The following SEZ6L variants were observed in gnomAD, a reference collection of about 807,000 sequenced individuals.
The protein encoded by SEZ6L is seizure related 6 homolog like.
A neutral mutation model predicts 106.2 loss-of-function variants in SEZ6L; 37 were observed. The ratio of observed to expected loss-of-function variants is 0.35; its 90% CI spans 0.27 to 0.46. The LOEUF is 0.46. Among genes scored for constraint, SEZ6L ranks in the 20% least tolerant of loss-of-function variants. SEZ6L has a pLI of 1.00. For synonymous variants in SEZ6L, 541 were observed against 570.4 expected, an observed-to-expected ratio of 0.95 and a Z score of 0.73; for missense variants, 1,172 against 1,332.8, an observed-to-expected ratio of 0.88 and a Z score of 1.88.
At chr22:26,227,085 G>T (rs1016675274) in intron 1 of SEZ6L, among the ~76,000 whole-genome samples, 1 of 152,148 alleles carries the variant, frequency 6.6e-6, no homozygotes, top group Non-Finnish European at 1.5e-5. Flanking sequence ...CATGTGCACC[G>T]TGTCTATTTT....
At chr22:26,370,104 C>CT in intron 13 of SEZ6L, among the ~76,000 whole-genome samples, 1 of 152,070 alleles carries the variant, frequency 6.6e-6, no homozygotes, top group African/African-American at 2.4e-5. Flanking sequence ...GAAACCTTGG[C>CT]CGGCGCGGTG....
chr22:26,218,179 C>T (rs2078351644), intron 1 of SEZ6L, among the ~76,000 whole-genome samples: 1 of 152,150 alleles, frequency 6.6e-6, no homozygotes, highest in Admixed American at 6.5e-5. Flanking sequence ...TTATAAATAC[C>T]CATTCATTAT....
chr22:26,332,550 G>A (rs2082519432), intron 9 of SEZ6L, among the ~76,000 whole-genome samples: 1 of 151,400 alleles, frequency 6.6e-6, no homozygotes, highest in African/African-American at 2.4e-5. Flanking sequence ...GTGCTCAAGT[G>A]ATCTTCCCAC....
intron 13 of SEZ6L, among the ~76,000 whole-genome samples, chr22:26,370,947 T>C (rs2146074358): frequency 7.2e-6 from 1 of 138,690 alleles, no homozygotes; most frequent in African/African-American, 2.8e-5. Context: ...GAGGCTGCAG[T>C]GAGCCATGAT....
In SEZ6L at chr22:26,340,647, T is replaced by C; in HGVS notation, c.2212+15T>C. The C allele has an allele frequency of 6.3e-7, 1 of 1,593,610 alleles. No homozygotes were observed. ...GAACTACATAGGTAGGTGTCTCATC[T>C]GGTCAATTTATTTTTTCTTTGTGTT... On this transcript the variant is annotated intron_variant, in intron 10 of 16. Transcript: ENST00000248933.
chr22:26,213,949 T>C (rs2078230481), intron 1 of SEZ6L, among the ~76,000 whole-genome samples: 1 of 152,184 alleles, frequency 6.6e-6, no homozygotes, highest in Non-Finnish European at 1.5e-5. Context: ...AAGAAAGATC[T>C]TGAGCAAGGA....
chr22:26,373,431 C>T lies in SEZ6L; in HGVS notation c.2795-20C>T. Reference sequence around the variant, plus strand: ...TGAATTCACTTTACATTGACCAATGCTTCCTGATTTCTCTTTCAGTTAATC... The same window carrying T: ...TGAATTCACTTTACATTGACCAATGTTTCCTGATTTCTCTTTCAGTTAATC... On this transcript the variant is annotated intron_variant, in intron 13 of 16. Transcript: ENST00000248933. 6.2e-7 allele frequency: 1 copy of T among 1,600,130 alleles called. No individual in the cohort carries two copies. The highest frequency in any genetic ancestry group is 1.1e-5 in the South Asian group (1 of 87,516).
intron 1 of SEZ6L, among the ~76,000 whole-genome samples, chr22:26,202,930 T>A (rs1941062105): frequency 6.6e-6 from 1 of 152,250 alleles, no homozygotes; most frequent in South Asian, 2.1e-4. Context: ...GAGAGCACTA[T>A]TTAGTTTTCA....
At chr22:26,269,195 A>C (rs2080282927) in intron 1 of SEZ6L, among the ~76,000 whole-genome samples, 1 of 152,160 alleles carries the variant, frequency 6.6e-6, no homozygotes, top group Non-Finnish European at 1.5e-5. Context: ...CTTAAATGTT[A>C]ATAGGCTTGT....
intron 1 of SEZ6L, among the ~76,000 whole-genome samples, chr22:26,260,257 A>G (rs530920838): frequency 4.6e-5 from 7 of 152,222 alleles, no homozygotes; most frequent in African/African-American, 1.7e-4. Flanking sequence ...TATTCACTGA[A>G]CACAATTTGT....
chr22:26,179,464 G>A (rs1939242612), intron 1 of SEZ6L, among the ~76,000 whole-genome samples: 3 of 152,146 alleles, frequency 2.0e-5, no homozygotes, highest in South Asian at 4.2e-4. Context: ...ACAAGAAGCT[G>A]TGATGTATAA....
Position 26,381,963 on chromosome 22 carries a change from A to G in SEZ6L, c.*1668A>G, listed in dbSNP as rs1051645652. On this transcript the variant is annotated 3_prime_UTR_variant, in exon 17 of 17. Coordinates refer to ENST00000248933, the MANE Select transcript of SEZ6L (RefSeq NM_021115.5). Reference sequence around the variant, plus strand: ...AGGGAGTCTATGTTTTGGTGGTTACATTGGAAACATCTTAAGCAAGATAGG... The same window carrying G: ...AGGGAGTCTATGTTTTGGTGGTTACGTTGGAAACATCTTAAGCAAGATAGG... 1.8e-5 allele frequency: 9 copies of G among 514,034 alleles called. No homozygotes were observed. The highest frequency in any genetic ancestry group is 9.9e-5 in the South Asian group (7 of 70,774). 31.8% of individuals were successfully genotyped at this position (514,034 alleles called of 1,614,324 possible).
At chr22:26,335,250 T>G (rs2082609772) in intron 9 of SEZ6L, among the ~76,000 whole-genome samples, 1 of 152,224 alleles carries the variant, frequency 6.6e-6, no homozygotes, top group South Asian at 2.1e-4. Flanking sequence ...AGAGAGTAAC[T>G]TGATTATTTC....
At position 26,351,532 on chromosome 22, in the gene SEZ6L, T is replaced by TGTTG. The variant is rs1306430337; in HGVS notation, c.2599+292_2599+293insGGTT. ...TTGTTTTTTTGTTTGTTTGTTTGTT[T>TGTTG]GTTTGTTTGTTTGTTGGTTGGTTGG... is the stretch of plus-strand genomic sequence containing the variant. On this transcript the variant is annotated intron_variant, in intron 12 of 16. Transcript: ENST00000248933. 6 of 183,636 alleles carry TGTTG rather than the reference T, an allele frequency of 3.3e-5. No homozygotes were observed. In the South Asian group the frequency reaches 3.4e-4, roughly 11 times the overall value. 11.4% of individuals were successfully genotyped at this position (183,636 alleles called of 1,614,324 possible). A position where few individuals can be genotyped will look rare whatever the true frequency, so the allele number is the denominator to read the frequency against.
At chr22:26,363,413 A>G (rs919450315) in intron 12 of SEZ6L, among the ~76,000 whole-genome samples, 2 of 152,254 alleles carry the variant, frequency 1.3e-5, no homozygotes, top group Admixed American at 6.5e-5. Context: ...TTGTTGGCAC[A>G]TAATAATTGC....
chr22:26,367,926 C>A (rs1443182250), intron 13 of SEZ6L, among the ~76,000 whole-genome samples: 1 of 152,186 alleles, frequency 6.6e-6, no homozygotes, highest in Non-Finnish European at 1.5e-5. Flanking sequence ...TCTTAGAATC[C>A]ATTGAACACT....
At position 26,381,387 on chromosome 22, in the gene SEZ6L, G is replaced by C. The variant is rs188165461; in HGVS notation, c.*1092G>C. The C allele has an allele frequency of 6.6e-6, 1 of 152,362 alleles. No individual in the cohort carries two copies. The highest frequency in any genetic ancestry group is 6.5e-5 in the Admixed American group (1 of 15,292). The allele number at this position is 152,362 out of a possible 1,614,324, so 9.4% of individuals were successfully genotyped here. On this transcript the variant is annotated 3_prime_UTR_variant, in exon 17 of 17. Coordinates refer to ENST00000248933, the MANE Select transcript of SEZ6L (RefSeq NM_021115.5). ...ATACTTGCCATCAAGTATTTCAGGGGGCGGGAGGGTCCCATGAGAAGAAAC... is the reference window on the plus strand; with the variant it reads ...ATACTTGCCATCAAGTATTTCAGGGCGCGGGAGGGTCCCATGAGAAGAAAC...
At position 26,306,160 on chromosome 22, in the gene SEZ6L, TCCACACCCAA is replaced by T. The variant is rs1311186189; in HGVS notation, c.1514+19_1514+28del. ...ACAAGGACAGGTAAAGCTCTGAAGG[TCCACACCCAA>T]CCCCGTTTCTTCCCAGAATATTAGA... On this transcript the variant is annotated intron_variant, in intron 6 of 16. Transcript: ENST00000248933. The T allele has an allele frequency of 6.2e-7, 1 of 1,610,616 alleles. No individual in the cohort carries two copies. The highest frequency in any genetic ancestry group is 2.2e-5 in the East Asian group (1 of 44,856).
chr22:26,248,906 T>A (rs2079464168), intron 1 of SEZ6L, among the ~76,000 whole-genome samples: 1 of 151,736 alleles, frequency 6.6e-6, no homozygotes, highest in Non-Finnish European at 1.5e-5. Context: ...AACCTGCCCA[T>A]GCCCCATGCA....
Sources: gnomAD v4.1 joint callset for allele counts (sites outside exome capture counted in the v4.1 genomes callset) on GRCh38, gnomAD v4.1.1 for gene constraint, MANE v1.5 for transcripts, NCBI Gene and HGNC (gene_info 2026-07-23, HGNC 2026-07-21) for gene names.